Variants in DLGAP2 observed in about 807,000 individuals in gnomAD.
DLGAP2 encodes the protein disks large-associated protein 2.
DLGAP2 carries 26 observed loss-of-function variants against 100.3 expected under a neutral mutation model. The ratio of observed to expected loss-of-function variants is 0.26; its 90% confidence interval spans 0.19 to 0.36. The LOEUF is 0.36. Among genes scored for constraint, DLGAP2 ranks in the 10% least tolerant of loss-of-function variants. The pLI is 1.00. For missense variants in DLGAP2, 1,858 were observed against 1,453.2 expected, an observed-to-expected ratio of 1.28 and a Z score of -4.53; for synonymous variants, 886 against 630.1, an observed-to-expected ratio of 1.41 and a Z score of -6.08.
intron 3 of DLGAP2, among the ~76,000 whole-genome samples, chr8:1,501,061 G>C (rs772350239): frequency 6.6e-6 from 1 of 152,018 alleles, no homozygotes; most frequent in Non-Finnish European, 1.5e-5. Context: ...TGCAAATAAG[G>C]CCTAATAAAT....
chr8:1,672,043 T>A (rs1360222304), intron 10 of DLGAP2, among the ~76,000 whole-genome samples: 2 of 152,164 alleles, frequency 1.3e-5, no homozygotes, highest in Non-Finnish European at 2.9e-5. Flanking sequence ...CTGCTAAGTT[T>A]TCCATTCTCT....
At chr8:1,597,501 C>T (rs1796496806) in intron 6 of DLGAP2, among the ~76,000 whole-genome samples, 1 of 152,040 alleles carries the variant, frequency 6.6e-6, no homozygotes, top group Admixed American at 6.6e-5. Flanking sequence ...TATCCATGAT[C>T]ATGGAATGTT....
intron 2 of DLGAP2, among the ~76,000 whole-genome samples, chr8:1,252,280 C>A (rs1209270919): frequency 1.3e-5 from 2 of 149,258 alleles, no homozygotes; most frequent in African/African-American, 5.0e-5. Context: ...CGTCATGTCA[C>A]ACTTGTCACA....
intron 3 of DLGAP2, among the ~76,000 whole-genome samples, chr8:1,388,903 A>C: frequency 7.7e-6 from 1 of 129,434 alleles, no homozygotes; most frequent in South Asian, 2.9e-4. Context: ...CAGGGCTGTG[A>C]GAGGCAGATG....
At chr8:1,440,254 C>G (rs1013018868) in intron 3 of DLGAP2, among the ~76,000 whole-genome samples, 6 of 152,130 alleles carry the variant, frequency 3.9e-5, no homozygotes. Context: ...ATTTTGAGTT[C>G]AAGTTCTCCT....
intron 2 of DLGAP2, among the ~76,000 whole-genome samples, chr8:1,117,480 A>C (rs1016690533): frequency 1.3e-5 from 2 of 152,152 alleles, no homozygotes; most frequent in African/African-American, 4.8e-5. Context: ...AGAAATGAGG[A>C]CTGAGGGTGG....
intron 2 of DLGAP2, among the ~76,000 whole-genome samples, chr8:1,140,615 C>T (rs1796504909): frequency 6.6e-6 from 1 of 152,168 alleles, no homozygotes; most frequent in Non-Finnish European, 1.5e-5. Flanking sequence ...CCTCACTCAG[C>T]CAGGCTGGGA....
chr8:1,165,375 G>A (rs989870351), intron 2 of DLGAP2, among the ~76,000 whole-genome samples: 5 of 152,222 alleles, frequency 3.3e-5, no homozygotes, highest in South Asian at 4.1e-4. Context: ...GCTACCAAGC[G>A]CTGGCACAGC....
At chr8:1,349,062 C>T (rs1370660489) in intron 3 of DLGAP2, among the ~76,000 whole-genome samples, 1 of 151,626 alleles carries the variant, frequency 6.6e-6, no homozygotes, top group African/African-American at 2.4e-5. Context: ...GCCACTTGCT[C>T]CTGCCAAGTC....
At chr8:835,615 T>C (rs567059432) in intron 1 of DLGAP2, among the ~76,000 whole-genome samples, 1 of 152,258 alleles carries the variant, frequency 6.6e-6, no homozygotes, top group Admixed American at 6.5e-5. Flanking sequence ...CTCTCCGCAG[T>C]GCAGGTTTTG....
chr8:1,510,393 G>A (rs950012967), intron 4 of DLGAP2, among the ~76,000 whole-genome samples: 1 of 152,184 alleles, frequency 6.6e-6, no homozygotes, highest in African/African-American at 2.4e-5. Context: ...CGTGACGAAC[G>A]TATTGTTGCA....
intron 1 of DLGAP2, among the ~76,000 whole-genome samples, chr8:835,013 G>A (rs2132707045): frequency 6.6e-6 from 1 of 152,214 alleles, no homozygotes; most frequent in African/African-American, 2.4e-5. Flanking sequence ...CATTATGTTG[G>A]GGTGCACAGG....
At chr8:935,768 G>A (rs1799056934) in intron 2 of DLGAP2, among the ~76,000 whole-genome samples, 1 of 152,204 alleles carries the variant, frequency 6.6e-6, no homozygotes, top group Non-Finnish European at 1.5e-5. Context: ...TCAAAGCATA[G>A]TGGTTCCTGT....
At chr8:1,439,022 C>T (rs1196904731) in intron 3 of DLGAP2, among the ~76,000 whole-genome samples, 1 of 152,096 alleles carries the variant, frequency 6.6e-6, no homozygotes, top group Non-Finnish European at 1.5e-5. Flanking sequence ...TTTTATGAAG[C>T]TTATGAAGAA....
chr8:1,596,199 A>C (rs1439252111), intron 6 of DLGAP2, among the ~76,000 whole-genome samples: 1 of 152,196 alleles, frequency 6.6e-6, no homozygotes, highest in African/African-American at 2.4e-5. Context: ...AAAGAACATG[A>C]ACTCATCCTT....
chr8:1,102,852 G>A (rs994964685), intron 2 of DLGAP2, among the ~76,000 whole-genome samples: 3 of 152,020 alleles, frequency 2.0e-5, no homozygotes, highest in Non-Finnish European at 4.4e-5. Context: ...GTGAGTCTCC[G>A]GGGTCTTTGT....
chr8:1,564,494 A>AC (rs1584932333), intron 5 of DLGAP2, among the ~76,000 whole-genome samples: 1 of 152,214 alleles, frequency 6.6e-6, no homozygotes, highest in African/African-American at 2.4e-5. Flanking sequence ...AGTCAGATAC[A>AC]CAGCACAGGG....
chr8:1,258,312 T>C (rs1799271241), intron 2 of DLGAP2, among the ~76,000 whole-genome samples: 1 of 152,192 alleles, frequency 6.6e-6, no homozygotes. Context: ...AGAAAGTATA[T>C]TCGCTGTGTG....
At chr8:1,079,484 A>G (rs1055856460) in intron 2 of DLGAP2, among the ~76,000 whole-genome samples, 8 of 152,222 alleles carry the variant, frequency 5.3e-5, no homozygotes, top group Non-Finnish European at 1.5e-5. Context: ...TTGCTTACTG[A>G]GAAACAGATG....
Sources: allele counts gnomAD v4.1 joint callset (sites outside exome capture counted in the v4.1 genomes callset), GRCh38; gene constraint gnomAD v4.1.1; transcripts MANE v1.5; gene names NCBI Gene and HGNC (gene_info 2026-07-23, HGNC 2026-07-21).